The following SLIT1 variants were observed in gnomAD, a reference collection of about 807,000 sequenced individuals.
The protein encoded by SLIT1 is slit guidance ligand 1, also known as slit homolog 1 protein.
Under a neutral mutation model 186.1 loss-of-function variants are expected in SLIT1, and 66 were observed. The observed-to-expected ratio is 0.35, with a 90% CI of 0.29 to 0.44. SLIT1 has a LOEUF of 0.44. SLIT1 is among the 20% of genes least tolerant of loss of function. The probability of loss-of-function intolerance (pLI) is 1.00; values close to 1 mark genes in which losing one functional copy is unlikely to be tolerated. For missense variants in SLIT1, 1,638 were observed against 2,037.4 expected, an observed-to-expected ratio of 0.80 and a Z score of 3.77; for synonymous variants, 761 against 833.8, an observed-to-expected ratio of 0.91 and a Z score of 1.50.
At chr10:97,129,805 G>T (rs2134693920) in intron 4 of SLIT1, among the ~76,000 whole-genome samples, 1 of 152,248 alleles carries the variant, frequency 6.6e-6, no homozygotes, top group South Asian at 2.1e-4. Context: ...AAACAATGTG[G>T]ACACAGCCCT....
chr10:97,082,993 G>A (rs566811834), intron 4 of SLIT1, among the ~76,000 whole-genome samples: 1 of 152,296 alleles, frequency 6.6e-6, no homozygotes, highest in Admixed American at 6.5e-5. Flanking sequence ...GCTCACTGCA[G>A]CCTGGGCTCA....
At chr10:97,143,972 C>T (rs1849791515) in intron 4 of SLIT1, among the ~76,000 whole-genome samples, 1 of 152,042 alleles carries the variant, frequency 6.6e-6, no homozygotes, top group South Asian at 2.1e-4. Context: ...CTGAGGTGGG[C>T]GAATCACCTG....
chr10:97,106,457 GC>G (rs1849416237), intron 4 of SLIT1, among the ~76,000 whole-genome samples: 1 of 152,016 alleles, frequency 6.6e-6, no homozygotes, highest in African/African-American at 2.4e-5. Context: ...CATCATTTGA[GC>G]CCCTGATCAG....
At chr10:97,023,514 C>G (rs978964367) in intron 25 of SLIT1, among the ~76,000 whole-genome samples, 2 of 152,182 alleles carry the variant, frequency 1.3e-5, no homozygotes, top group Non-Finnish European at 2.9e-5. Flanking sequence ...AAGGCTGGGC[C>G]TGCTCTCACG....
intron 11 of SLIT1, among the ~76,000 whole-genome samples, chr10:97,057,518 A>G (rs1037526683): frequency 2.0e-5 from 3 of 152,268 alleles, no homozygotes; most frequent in Non-Finnish European, 4.4e-5. Context: ...CCTGACTCCA[A>G]TCACTAACAA....
chr10:97,011,868 C>T (rs1364383880), intron 30 of SLIT1, among the ~76,000 whole-genome samples: 5 of 152,094 alleles, frequency 3.3e-5, no homozygotes, highest in Non-Finnish European at 1.5e-5. Flanking sequence ...CCTGCATGGT[C>T]CAGCCAGCCC....
At position 97,006,234 on chromosome 10, in the gene SLIT1, G is replaced by C. The variant is rs1462220657; in HGVS notation, c.3579+249C>G. 6.6e-6 allele frequency among the ~76,000 whole-genome samples: 1 copy of C among 152,206 alleles called. No homozygotes were observed. The highest frequency in any genetic ancestry group is 1.5e-5 in the Non-Finnish European group (1 of 68,026). ...GGTGGGAAGGGATGATGGCAAGCCT[G>C]GTTTTCTGGATTCAGTTACCCATGA... On this transcript the variant is annotated intron_variant, in intron 32 of 36. Coordinates refer to ENST00000266058, the MANE Select transcript of SLIT1 (RefSeq NM_003061.3). The surrounding 1 kb of genome is among the most constrained non-coding windows in gnomAD (Gnocchi z 4.0).
chr10:97,151,308 A>G lies in SLIT1; in HGVS notation c.413+6510T>C, dbSNP rs981453606. On this transcript the variant is annotated intron_variant, in intron 4 of 36. Transcript: ENST00000266058. The stretch of plus-strand genomic sequence containing the variant: ...GAGGAAGGTGGGGAGGAGTTGGGAG[A>G]TAGAAGGGTATCTGGGTTTATAGGT... Among the ~76,000 whole-genome samples, 5 of 143,100 alleles carry G rather than the reference A, an allele frequency of 3.5e-5. No homozygotes were observed. In the South Asian group the frequency reaches 7.4e-4, roughly 21 times the overall value. The allele number at this position is 143,100 out of a possible 152,430, so 93.9% of individuals were successfully genotyped here.
rs928446162 is a variant in SLIT1, at chr10:97,063,760, C to T, written c.630-142G>A. On this transcript the variant is annotated intron_variant, in intron 7 of 36. Coordinates refer to ENST00000266058, the MANE Select transcript of SLIT1 (RefSeq NM_003061.3). ...TCTACATTTAGTCAAGTAGACGGCTCAGCTCCAACCCGGGGATTATCCACA... is the reference window on the plus strand; with the variant it reads ...TCTACATTTAGTCAAGTAGACGGCTTAGCTCCAACCCGGGGATTATCCACA... 6.2e-5 allele frequency: 55 copies of T among 881,906 alleles called. No individual in the cohort carries two copies. The African/African-American group carries it at 7.5e-4, about 12-fold the overall frequency. The allele number at this position is 881,906 out of a possible 1,614,324, so 54.6% of individuals were successfully genotyped here. A position where few individuals can be genotyped will look rare whatever the true frequency, so the allele number is the denominator to read the frequency against.
chr10:97,087,474 C>T (rs1014040531), intron 4 of SLIT1, among the ~76,000 whole-genome samples: 3 of 152,216 alleles, frequency 2.0e-5, no homozygotes, highest in Admixed American at 6.5e-5. Flanking sequence ...CTGATAATAA[C>T]GATGGCAGCA....
intron 4 of SLIT1, among the ~76,000 whole-genome samples, chr10:97,128,175 C>G (rs901665960): frequency 3.9e-5 from 6 of 152,282 alleles, no homozygotes; most frequent in African/African-American, 1.2e-4. Context: ...CTCCCCTCCT[C>G]CATCCACGCT....
chr10:97,000,847 C>CAAAT lies in SLIT1; in HGVS notation c.*261_*264dup. 1 of 511,994 alleles carries CAAAT rather than the reference C, an allele frequency of 2.0e-6. No homozygotes were observed. The highest frequency in any genetic ancestry group is 1.9e-5 in the African/African-American group (1 of 52,606). 31.7% of individuals were successfully genotyped at this position (511,994 alleles called of 1,614,324 possible). Reference sequence around the variant, plus strand: ...TGACCTCACGCACACATTCACTCAACAAATATTTATTAAGCGCCTATTTGT... The same window carrying CAAAT: ...TGACCTCACGCACACATTCACTCAACAAATAAATATTTATTAAGCGCCTATTTGT... On this transcript the variant is annotated 3_prime_UTR_variant, in exon 37 of 37. Transcript: ENST00000266058.
intron 1 of SLIT1, among the ~76,000 whole-genome samples, chr10:97,181,784 A>G (rs1174434922): frequency 6.6e-6 from 1 of 152,146 alleles, no homozygotes; most frequent in Non-Finnish European, 1.5e-5. Flanking sequence ...GCCTCCCTCC[A>G]TCCTCGGACA....
At chr10:97,122,476 G>A (rs1381616769) in intron 4 of SLIT1, among the ~76,000 whole-genome samples, 1 of 152,304 alleles carries the variant, frequency 6.6e-6, no homozygotes, top group East Asian at 1.9e-4. Context: ...AGCCCACGAG[G>A]TGAGGAGGGA....
chr10:97,038,942 C>T (rs1848665901), intron 21 of SLIT1, among the ~76,000 whole-genome samples: 1 of 152,096 alleles, frequency 6.6e-6, no homozygotes, highest in African/African-American at 2.4e-5. Context: ...GGTAGGCTGC[C>T]CCACCCATCC....
Position 97,151,374 on chromosome 10 carries a change from G to C in SLIT1, c.413+6444C>G, listed in dbSNP as rs191440230. ...TACGTGGGAGGGGGAGGGTTGATGG[G>C]TGGGGGTGGGAGAGTGGATGGATAG... On this transcript the variant is annotated intron_variant, in intron 4 of 36. Coordinates refer to ENST00000266058, the MANE Select transcript of SLIT1 (RefSeq NM_003061.3). 7.2e-3 allele frequency among the ~76,000 whole-genome samples: 1,091 copies of C among 150,898 alleles called. 18 individuals carry two copies. The highest frequency in any genetic ancestry group is 0.026 in the African/African-American group (1,051 of 40,860).
Position 97,059,977 on chromosome 10 carries a change from G to C in SLIT1, c.1013+110C>G, listed in dbSNP as rs947503660. ...CAGGAAGGTCAGGTGGCTGGCCAAG[G>C]CCACTCAGCTGTGGGGGGCTGAGTT... On this transcript the variant is annotated intron_variant, in intron 10 of 36. Coordinates refer to ENST00000266058, the MANE Select transcript of SLIT1 (RefSeq NM_003061.3). 12 of 939,812 alleles carry C rather than the reference G, an allele frequency of 1.3e-5. No individual in the cohort carries two copies. The African/African-American group carries it at 1.3e-4, about 10-fold the overall frequency. 58.2% of individuals were successfully genotyped at this position (939,812 alleles called of 1,614,324 possible).
In SLIT1 at chr10:97,163,362, C is replaced by T. The variant is rs375385609; in HGVS notation, c.341+18G>A. The T allele has an allele frequency of 2.5e-6, 4 of 1,608,554 alleles. No homozygotes were observed. The African/African-American group carries it at 5.3e-5, about 21-fold the overall frequency. On this transcript the variant is annotated intron_variant, in intron 3 of 36. Coordinates refer to ENST00000266058, the MANE Select transcript of SLIT1 (RefSeq NM_003061.3). ...GCCAGCCCCCCGCCCTCCTGGCCTG[C>T]ACCCTGCCAGGACTCACAGCCGCTC...
intron 18 of SLIT1, among the ~76,000 whole-genome samples, chr10:97,044,039 C>T (rs549062973): frequency 7.0e-4 from 106 of 152,314 alleles, no homozygotes; most frequent in African/African-American, 2.1e-3. Context: ...CCTGCTACAC[C>T]GCTGTGACAG....
Sources: allele counts gnomAD v4.1 joint callset (sites outside exome capture counted in the v4.1 genomes callset), GRCh38; gene constraint gnomAD v4.1.1; non-coding constraint Gnocchi (gnomAD v3.1); transcripts MANE v1.5; gene names NCBI Gene and HGNC (gene_info 2026-07-23, HGNC 2026-07-21).